SLC16A6: variants seen among roughly 807,000 people sequenced by gnomAD.
SLC16A6 encodes monocarboxylate transporter 7.
A neutral mutation model predicts 33.8 loss-of-function variants in SLC16A6; 15 were observed. That is an observed-to-expected ratio of 0.44 (90% CI 0.30 to 0.68). SLC16A6 has a LOEUF of 0.68. SLC16A6 is among the 30% of genes least tolerant of loss of function. The pLI, the probability that SLC16A6 is intolerant of heterozygous loss-of-function variation, is 0.10. For synonymous variants in SLC16A6, 219 were observed against 248.4 expected (o/e 0.88, Z 1.11); for missense variants, 451 against 661.5 (o/e 0.68, Z 3.49).
At chr17:68,291,469 G>A (rs1415340163), upstream of SLC16A6, 2 of 150,866 alleles carry the variant, frequency 1.3e-5, no homozygotes, top group African/African-American at 2.4e-5. Context: ...GCGCAGCCAA[G>A]GAGGGGGCCT....
At chr17:68,281,765 C>T (rs2075703275) in intron 1 of SLC16A6, among the ~76,000 whole-genome samples, 1 of 152,034 alleles carries the variant, frequency 6.6e-6, no homozygotes, top group Non-Finnish European at 1.5e-5. Context: ...AAAAAAATAA[C>T]AAATGCTGGC....
At chr17:68,274,427 CT>C (rs782594628) in intron 2 of SLC16A6, 1 of 181,256 alleles carries the variant, frequency 5.5e-6, no homozygotes, top group Non-Finnish European at 1.2e-5. Flanking sequence ...GATTGCACCA[CT>C]GCACTCCATA....
intron 1 of SLC16A6, among the ~76,000 whole-genome samples, chr17:68,279,528 C>T (rs2075627317): frequency 1.3e-5 from 2 of 152,120 alleles, no homozygotes; most frequent in African/African-American, 4.8e-5. Flanking sequence ...CATGATGATA[C>T]TCTAGAATAT....
chr17:68,285,898 T>C (rs1391828165), intron 1 of SLC16A6, among the ~76,000 whole-genome samples: 1 of 152,094 alleles, frequency 6.6e-6, no homozygotes, highest in Non-Finnish European at 1.5e-5. Context: ...TAGCTGGGAT[T>C]ACAGACGCCC....
chr17:68,280,145 G>T (rs145861950), intron 1 of SLC16A6, among the ~76,000 whole-genome samples: 2,298 of 134,900 alleles, frequency 0.017, 63 homozygotes, highest in African/African-American at 0.062. Flanking sequence ...CTGCACCACT[G>T]CACTCCAGCC....
At chr17:68,280,246 A>T (rs2075652938) in intron 1 of SLC16A6, among the ~76,000 whole-genome samples, 1 of 152,006 alleles carries the variant, frequency 6.6e-6, no homozygotes, top group South Asian at 2.1e-4. Flanking sequence ...GTGGATTCCT[A>T]TCAAAATACC....
Position 68,272,681 on chromosome 17 carries a change from C to T in SLC16A6, c.463G>A (p.Ala155Thr), listed in dbSNP as rs369358167. Residue 155 changes from alanine to threonine, a missense_variant, in exon 4 of 6, where the codon GCT becomes ACT. Around this residue, in one of 2 missense-constraint regions of SLC16A6, gnomAD observed 405 missense variants for 510.7 expected, o/e 0.79. Coordinates refer to ENST00000580666, the MANE Select transcript of SLC16A6 (RefSeq NM_004694.5). ...GKRRSIVTAVASTGECFAVFA... is the reference protein window; with the variant it reads ...GKRRSIVTAVTSTGECFAVFA... ...ACAGCGAAACATTCTCCTGTGGAAG[C>T]AACTGCAGTGACTATGGAACGTCTT... The T allele has an allele frequency of 6.2e-7, 1 of 1,614,162 alleles. No individual in the cohort carries two copies. The highest frequency in any genetic ancestry group is 8.5e-7 in the Non-Finnish European group (1 of 1,179,990).
At chr17:68,289,661 C>A (rs1432986642) in intron 1 of SLC16A6, among the ~76,000 whole-genome samples, 3 of 152,206 alleles carry the variant, frequency 2.0e-5, no homozygotes, top group Admixed American at 2.0e-4. Flanking sequence ...AATTTCCAAA[C>A]CTAACCTGGA....
At chr17:68,290,745 A>C (rs1319787312) in intron 1 of SLC16A6, among the ~76,000 whole-genome samples, 1 of 152,150 alleles carries the variant, frequency 6.6e-6, no homozygotes, top group Non-Finnish European at 1.5e-5. Flanking sequence ...CTGAGCCTGG[A>C]GCCCCCGACT....
At chr17:68,274,260 G>T (rs1055271400) in intron 2 of SLC16A6, 190 bp from the exon 3 acceptor site, 17 of 504,738 alleles carry the variant, frequency 3.4e-5, no homozygotes, top group African/African-American at 3.0e-4. Context: ...GAGCCCAGGA[G>T]TTCAAGACTA....
chr17:68,285,830 G>A (rs1427512673), intron 1 of SLC16A6, among the ~76,000 whole-genome samples: 5 of 151,572 alleles, frequency 3.3e-5, no homozygotes, highest in African/African-American at 4.9e-5. Context: ...GCATGATTTC[G>A]GCTCACTGCC....
intron 1 of SLC16A6, among the ~76,000 whole-genome samples, chr17:68,284,941 T>C (rs11869470): frequency 0.61 from 92,610 of 152,052 alleles, 28,775 homozygotes; most frequent in African/African-American, 0.73. Flanking sequence ...CCCCGGACCC[T>C]GCCTGTACCT....
chr17:68,270,399 C>A (rs2075297795), intron 5 of SLC16A6, among the ~76,000 whole-genome samples: 1 of 151,936 alleles, frequency 6.6e-6, no homozygotes, highest in African/African-American at 2.4e-5. Flanking sequence ...ACTAAAAATA[C>A]AAAAATTAGC....
At chr17:68,272,056 C>T (rs2075358943) in intron 4 of SLC16A6, among the ~76,000 whole-genome samples, 1 of 152,072 alleles carries the variant, frequency 6.6e-6, no homozygotes, top group South Asian at 2.1e-4. Context: ...CTGCCTCGGC[C>T]TCTCAAAGTA....
intron 2 of SLC16A6, among the ~76,000 whole-genome samples, chr17:68,276,853 T>TATTC (rs1388853709): frequency 6.6e-6 from 1 of 152,208 alleles, no homozygotes; most frequent in Non-Finnish European, 1.5e-5. Context: ...CTGGCATGTA[T>TATTC]ATTCAATAGC....
chr17:68,288,472 G>C (rs73998073), intron 1 of SLC16A6, among the ~76,000 whole-genome samples: 2,228 of 152,216 alleles, frequency 0.015, 50 homozygotes, highest in African/African-American at 0.051. Flanking sequence ...TTTATCTGAC[G>C]GGTAGGGATA....
chr17:68,275,808 C>G (rs1056278801), intron 2 of SLC16A6, among the ~76,000 whole-genome samples: 1 of 151,778 alleles, frequency 6.6e-6, no homozygotes, highest in Non-Finnish European at 1.5e-5. Flanking sequence ...AGCAAAACCC[C>G]GTCTCTACTA....
Position 68,274,062 on chromosome 17 carries a change from C to T in SLC16A6, c.241G>A (p.Ala81Thr), listed in dbSNP as rs1011000406. The T allele has an allele frequency of 1.1e-5, 17 of 1,612,186 alleles. No individual in the cohort carries two copies. The highest frequency in any genetic ancestry group is 2.2e-5 in the East Asian group (1 of 44,870). ...CCGAAACGATTGCTCAGGACTGTGG[C>T]GAGGGGAGCTGCCGGGAAAGAACAA... ...VFVLTFSAPL[A>T]TVLSNRFGHR... The change falls in exon 3 of 6, where the codon GCC becomes ACC. Residue 81 changes from alanine to threonine, a missense_variant. By Grantham distance (58) the Ala-to-Thr change is moderately conservative. This residue lies in a region of SLC16A6 where 405 missense variants were observed against 510.7 expected (regional missense o/e 0.79). Transcript: ENST00000580666.
chr17:68,283,547 G>A (rs1289904855), intron 1 of SLC16A6, among the ~76,000 whole-genome samples: 4 of 148,840 alleles, frequency 2.7e-5, no homozygotes, highest in East Asian at 2.0e-4. Flanking sequence ...GGCTGGGCAC[G>A]GCGGCTCACG....
Sources: gnomAD v4.1 joint callset for allele counts (sites outside exome capture counted in the v4.1 genomes callset) on GRCh38, gnomAD v4.1.1 for gene constraint, gnomAD v4.1.1 regional missense constraint, MANE v1.5 for transcripts, NCBI Gene and HGNC (gene_info 2026-07-23, HGNC 2026-07-21) for gene names.